Variants in PLCB1 observed in about 807,000 individuals in gnomAD.
PLCB1 encodes phospholipase C beta 1.
A neutral mutation model predicts 161.8 loss-of-function variants in PLCB1; 46 were observed. The observed-to-expected ratio is 0.28, with a 90% CI of 0.22 to 0.36. PLCB1 has a LOEUF of 0.36. Among genes scored for constraint, PLCB1 ranks in the 10% least tolerant of loss-of-function variants. The pLI, the probability that PLCB1 is intolerant of heterozygous loss-of-function variation, is 1.00. For synonymous variants in PLCB1, 517 were observed against 503.7 expected, an observed-to-expected ratio of 1.03 and a Z score of -0.35; for missense variants, 1,016 against 1,472.5, an observed-to-expected ratio of 0.69 and a Z score of 5.07.
intron 2 of PLCB1, among the ~76,000 whole-genome samples, chr20:8,321,882 T>G (rs2122162321): frequency 6.6e-6 from 1 of 152,286 alleles, no homozygotes; most frequent in South Asian, 2.1e-4. Context: ...TAGCATCTTG[T>G]TATAAGTACC....
chr20:8,300,639 C>T (rs995966484), intron 2 of PLCB1, among the ~76,000 whole-genome samples: 14 of 152,106 alleles, frequency 9.2e-5, no homozygotes, highest in African/African-American at 3.1e-4. Context: ...GTGCTGCACC[C>T]ATTAACTCGT....
At chr20:8,615,188 A>C (rs1254160666) in intron 3 of PLCB1, among the ~76,000 whole-genome samples, 2 of 152,300 alleles carry the variant, frequency 1.3e-5, no homozygotes, top group South Asian at 2.1e-4. Context: ...TACTTTAAAA[A>C]GCTGCATACT....
chr20:8,785,448 T>C (rs1600325650), intron 27 of PLCB1, among the ~76,000 whole-genome samples: 1 of 152,288 alleles, frequency 6.6e-6, no homozygotes, highest in East Asian at 1.9e-4. Context: ...TCTAGAACAG[T>C]GCCTGCTATT....
intron 2 of PLCB1, among the ~76,000 whole-genome samples, chr20:8,247,834 G>A (rs1980957847): frequency 6.6e-6 from 1 of 151,882 alleles, no homozygotes; most frequent in Admixed American, 6.6e-5. Flanking sequence ...TAGCTTTAGG[G>A]TTTTCTTTCA....
intron 3 of PLCB1, among the ~76,000 whole-genome samples, chr20:8,404,546 C>G (rs923026636): frequency 4.6e-5 from 7 of 152,172 alleles, no homozygotes; most frequent in African/African-American, 1.7e-4. Flanking sequence ...AGCAGGATGT[C>G]AAGCTCCTTG....
intron 2 of PLCB1, among the ~76,000 whole-genome samples, chr20:8,289,226 G>A (rs1441370269): frequency 1.3e-5 from 2 of 152,182 alleles, no homozygotes; most frequent in African/African-American, 2.4e-5. Context: ...TTGATTGAGT[G>A]CTTTCAGCCT....
chr20:8,782,252 G>T (rs1178238451), intron 27 of PLCB1, among the ~76,000 whole-genome samples: 2 of 152,072 alleles, frequency 1.3e-5, no homozygotes, highest in African/African-American at 4.8e-5. Context: ...TATAGCTCTG[G>T]GTAGACAGGG....
At chr20:8,205,942 A>G (rs1401893643) in intron 2 of PLCB1, among the ~76,000 whole-genome samples, 3 of 152,160 alleles carry the variant, frequency 2.0e-5, no homozygotes, top group Non-Finnish European at 4.4e-5. Context: ...AAAAAATTAA[A>G]TTAATATATA....
chr20:8,293,682 A>G (rs937773351), intron 2 of PLCB1, among the ~76,000 whole-genome samples: 2 of 152,070 alleles, frequency 1.3e-5, no homozygotes, highest in Non-Finnish European at 2.9e-5. Flanking sequence ...ATAACCTCTT[A>G]ATATCATTAT....
chr20:8,867,547 A>G (rs894306301), intron 31 of PLCB1, among the ~76,000 whole-genome samples: 2 of 152,100 alleles, frequency 1.3e-5, no homozygotes, highest in Admixed American at 6.5e-5. Flanking sequence ...GAGGGCTTTT[A>G]TTGATTTTTT....
chr20:8,805,582 G>A (rs942948745), intron 31 of PLCB1, among the ~76,000 whole-genome samples: 1 of 152,140 alleles, frequency 6.6e-6, no homozygotes, highest in Non-Finnish European at 1.5e-5. Flanking sequence ...ACAAAAATTA[G>A]CATTTATGGA....
chr20:8,736,773 C>A (rs967354800), intron 19 of PLCB1, among the ~76,000 whole-genome samples: 1 of 152,138 alleles, frequency 6.6e-6, no homozygotes, highest in Non-Finnish European at 1.5e-5. Flanking sequence ...AAACCACTCC[C>A]ATAATCCAAT....
intron 2 of PLCB1, among the ~76,000 whole-genome samples, chr20:8,296,001 A>C (rs1983611435): frequency 1.3e-5 from 2 of 152,246 alleles, no homozygotes; most frequent in South Asian, 4.1e-4. Context: ...AACAGGAGAA[A>C]GATTACTGAA....
intron 3 of PLCB1, among the ~76,000 whole-genome samples, chr20:8,556,128 G>T (rs556394265): frequency 1.3e-5 from 2 of 151,976 alleles, no homozygotes; most frequent in African/African-American, 2.4e-5. Flanking sequence ...TCCCATCCTG[G>T]CTAACACCCT....
At chr20:8,688,607 T>C (rs912743038) in intron 10 of PLCB1, among the ~76,000 whole-genome samples, 4 of 152,154 alleles carry the variant, frequency 2.6e-5, no homozygotes, top group African/African-American at 9.7e-5. Context: ...AGGGTGTTTT[T>C]CCCCCACTTT....
At chr20:8,775,039 A>G (rs1052120642) in intron 27 of PLCB1, among the ~76,000 whole-genome samples, 2 of 147,668 alleles carry the variant, frequency 1.4e-5, no homozygotes, top group Non-Finnish European at 3.0e-5. Context: ...ATCTTTGTTT[A>G]AGAAATTAAG....
At chr20:8,753,566 C>T in intron 23 of PLCB1, among the ~76,000 whole-genome samples, 1 of 152,138 alleles carries the variant, frequency 6.6e-6, no homozygotes, top group East Asian at 1.9e-4. Context: ...GCTCCTGGCC[C>T]ACCGAGTTCC....
At chr20:8,357,252 T>C (rs569582429) in intron 2 of PLCB1, among the ~76,000 whole-genome samples, 1 of 152,320 alleles carries the variant, frequency 6.6e-6, no homozygotes, top group African/African-American at 2.4e-5. Context: ...AATGAATGAA[T>C]AAAAGTCACA....
intron 3 of PLCB1, among the ~76,000 whole-genome samples, chr20:8,444,972 A>G (rs888710889): frequency 1.3e-5 from 2 of 152,274 alleles, no homozygotes; most frequent in East Asian, 3.9e-4. Context: ...GTAGATTGCA[A>G]AAATTTTCTC....
Sources: allele counts gnomAD v4.1 joint callset (sites outside exome capture counted in the v4.1 genomes callset), GRCh38; gene constraint gnomAD v4.1.1; transcripts MANE v1.5; gene names NCBI Gene and HGNC (gene_info 2026-07-23, HGNC 2026-07-21).